TMEM248: variants seen among roughly 807,000 people sequenced by gnomAD.
TMEM248 encodes transmembrane protein 248, also known as UPF0458 protein C7orf42.
TMEM248 carries 9 observed loss-of-function variants against 30.3 expected under a neutral mutation model. The observed-to-expected ratio is 0.30, with a 90% CI of 0.18 to 0.52. TMEM248 has a LOEUF of 0.52. Ranked by LOEUF, TMEM248 falls within the 20% of genes least tolerant of loss-of-function variation. TMEM248 has a pLI of 0.97. For missense variants in TMEM248, 338 were observed against 403.3 expected (o/e 0.84, Z 1.39); for synonymous variants, 184 against 154.4 (o/e 1.19, Z -1.42).
At chr7:66,933,245 C>G (rs563161956) in intron 1 of TMEM248, among the ~76,000 whole-genome samples, 1 of 152,254 alleles carries the variant, frequency 6.6e-6, no homozygotes, top group South Asian at 2.1e-4. Context: ...TCATAGCTCA[C>G]TGCCGCCTCA....
At chr7:66,923,117 G>C (rs968546537) in intron 1 of TMEM248, among the ~76,000 whole-genome samples, 16 of 151,966 alleles carry the variant, frequency 1.1e-4, no homozygotes, top group Non-Finnish European at 2.1e-4. Context: ...CAACTGTTCA[G>C]GATTTTGTTA....
intron 3 of TMEM248, 88 bp from the exon 4 acceptor site, chr7:66,948,456 T>A: frequency 6.8e-7 from 1 of 1,473,470 alleles, no homozygotes; most frequent in Non-Finnish European, 9.2e-7. Flanking sequence ...GATTCCTGTG[T>A]GGGTTTGATT....
At chr7:66,925,544 T>C (rs1791499840) in intron 1 of TMEM248, among the ~76,000 whole-genome samples, 1 of 152,106 alleles carries the variant, frequency 6.6e-6, no homozygotes, top group African/African-American at 2.4e-5. Flanking sequence ...CTTATTTCTC[T>C]TAGTATAACG....
intron 3 of TMEM248, among the ~76,000 whole-genome samples, chr7:66,946,848 G>A (rs1792121448): frequency 6.6e-6 from 1 of 152,184 alleles, no homozygotes; most frequent in African/African-American, 2.4e-5. Flanking sequence ...GAATAATCAG[G>A]AAAGGCTTCA....
intron 5 of TMEM248, among the ~76,000 whole-genome samples, chr7:66,952,197 C>A (rs1792285119): frequency 1.3e-5 from 2 of 152,026 alleles, no homozygotes; most frequent in Admixed American, 1.3e-4. Flanking sequence ...TGAAGTGATT[C>A]TAAGTAGCTG....
chr7:66,941,862 A>G lies in TMEM248; in HGVS notation c.-4A>G. On this transcript the variant is annotated 5_prime_UTR_variant, in exon 2 of 7. Transcript: ENST00000341567. ...ATTTCTTTCAGGTGGAGCTGATCAG[A>G]ATAATGTTCAGCATCAACCCCCTGG... The G allele has an allele frequency of 6.2e-7, 1 of 1,613,102 alleles. No individual in the cohort carries two copies. Among genetic ancestry groups the G allele is most frequent in the Non-Finnish European group, 8.5e-7 (1 of 1,179,470 alleles).
At chr7:66,944,836 T>C in intron 2 of TMEM248, 140 bp from the exon 3 acceptor site, 1 of 852,112 alleles carries the variant, frequency 1.2e-6, no homozygotes, top group Non-Finnish European at 1.8e-6. Flanking sequence ...GGTGGCCGAG[T>C]TGTCATGATC....
At chr7:66,950,922 C>T (rs762765309) in intron 4 of TMEM248, 30 bp from the exon 5 acceptor site, 54 of 1,523,688 alleles carry the variant, frequency 3.5e-5, no homozygotes, top group Non-Finnish European at 4.6e-5. Context: ...CCACTGAGCA[C>T]GTGTCTTTCC....
rs35126436 is a variant in TMEM248, at chr7:66,929,426, ATTTT to A, written c.-19+7990_-19+7993del. 9.2e-3 allele frequency among the ~76,000 whole-genome samples: 898 copies of A among 97,604 alleles called. 6 individuals carry two copies. Among genetic ancestry groups the A allele is most frequent in the Non-Finnish European group, 0.014 (676 of 49,164 alleles). 64.0% of individuals were successfully genotyped at this position (97,604 alleles called of 152,430 possible). A position where few individuals can be genotyped will look rare whatever the true frequency, so the allele number is the denominator to read the frequency against. On this transcript the variant is annotated intron_variant, in intron 1 of 6. Coordinates refer to ENST00000341567, the MANE Select transcript of TMEM248 (RefSeq NM_017994.5). Reference sequence around the variant, plus strand: ...ACAATATCATGGAAATGAGAGACAAATTTTTTTTTTTTTTTTTTTTTTTTTTTTG... The same window carrying A: ...ACAATATCATGGAAATGAGAGACAAATTTTTTTTTTTTTTTTTTTTTTTTG...
intron 1 of TMEM248, among the ~76,000 whole-genome samples, chr7:66,929,426 ATTTTTTT>A (rs35126436): frequency 1.1e-3 from 107 of 97,672 alleles, no homozygotes; most frequent in East Asian, 3.3e-3. Flanking sequence ...TGAGAGACAA[ATTTTTTT>A]TTTTTTTTTT....
chr7:66,937,271 A>T (rs918792669), intron 1 of TMEM248, among the ~76,000 whole-genome samples: 2 of 152,218 alleles, frequency 1.3e-5, no homozygotes, highest in Admixed American at 6.5e-5. Flanking sequence ...CATTGTGGTC[A>T]GAGAAGATAC....
chr7:66,955,586 G>C lies in TMEM248; in HGVS notation c.*64G>C. On this transcript the variant is annotated 3_prime_UTR_variant, in exon 7 of 7. Coordinates refer to ENST00000341567, the MANE Select transcript of TMEM248 (RefSeq NM_017994.5). ...CCATAATCCTTGCCTGCTGAACCCA[G>C]CCTGGGCCTGGATGCTCTGTGAATA... 2 of 1,597,220 alleles carry C rather than the reference G, an allele frequency of 1.3e-6. No individual in the cohort carries two copies. Among genetic ancestry groups the C allele is most frequent in the Non-Finnish European group, 1.7e-6 (2 of 1,167,066 alleles).
chr7:66,926,639 C>CAAAAAAA (rs200106499), intron 1 of TMEM248, among the ~76,000 whole-genome samples: 7 of 86,446 alleles, frequency 8.1e-5, no homozygotes, highest in East Asian at 2.8e-4. Flanking sequence ...CCATCTGAAA[C>CAAAAAAA]AAAAAAAAAA....
intron 1 of TMEM248, among the ~76,000 whole-genome samples, chr7:66,941,448 G>T (rs902924460): frequency 6.6e-6 from 1 of 151,496 alleles, no homozygotes; most frequent in Non-Finnish European, 1.5e-5. Context: ...CTGGCTACTC[G>T]GGAGGCTGAG....
rs528965107 is a variant in TMEM248, at chr7:66,925,798, C to T, written c.-19+4337C>T. Among the ~76,000 whole-genome samples the T allele has an allele frequency of 6.6e-5, 10 of 151,564 alleles. No individual in the cohort carries two copies. In the South Asian group the frequency reaches 1.3e-3, roughly 19 times the overall value. On this transcript the variant is annotated intron_variant, in intron 1 of 6. Transcript: ENST00000341567. Reference sequence around the variant, plus strand: ...CTGAGATTACAGGTGCACGCCACCACGCCACGCTAATTTTTTGTATTTTTA... The same window carrying T: ...CTGAGATTACAGGTGCACGCCACCATGCCACGCTAATTTTTTGTATTTTTA...
At position 66,944,949 on chromosome 7, in the gene TMEM248, A is replaced by G. The variant is rs375570364; in HGVS notation, c.160-27A>G. ...GGGAGACAGGCGCTGCTTAACACCC[A>G]TTTCTCTTTCTTTCACTTTCCCAAA... On this transcript the variant is annotated intron_variant, in intron 2 of 6. Coordinates refer to ENST00000341567, the MANE Select transcript of TMEM248 (RefSeq NM_017994.5). 73 of 1,611,830 alleles carry G rather than the reference A, an allele frequency of 4.5e-5. No individual in the cohort carries two copies. The African/African-American group carries it at 7.2e-4, about 16-fold the overall frequency.
chr7:66,921,816 T>C (rs1340235954), intron 1 of TMEM248: 1 of 152,314 alleles, frequency 6.6e-6, no homozygotes, highest in African/African-American at 2.4e-5. Flanking sequence ...TTTGCGTTTC[T>C]TCTCCGTTTG....
chr7:66,934,594 G>A (rs1283825108), intron 1 of TMEM248, among the ~76,000 whole-genome samples: 1 of 152,106 alleles, frequency 6.6e-6, no homozygotes, highest in Non-Finnish European at 1.5e-5. Context: ...CCATTTTGTG[G>A]GTATTTCTGT....
At chr7:66,944,103 CTTTT>C (rs397891070) in intron 2 of TMEM248, among the ~76,000 whole-genome samples, 6 of 112,358 alleles carry the variant, frequency 5.3e-5, no homozygotes, top group Non-Finnish European at 5.4e-5. Context: ...CCTCAGATGG[CTTTT>C]TTTTTTTTTT....
Sources: gnomAD v4.1 joint callset for allele counts (sites outside exome capture counted in the v4.1 genomes callset) on GRCh38, gnomAD v4.1.1 for gene constraint, MANE v1.5 for transcripts, NCBI Gene and HGNC (gene_info 2026-07-23, HGNC 2026-07-21) for gene names.